Variants in NUDCD1 observed in about 807,000 individuals in gnomAD.
NUDCD1 encodes NudC domain containing 1.
In NUDCD1, 60 loss-of-function variants were observed where a neutral mutation model predicts 67.8. That is an observed-to-expected ratio of 0.88 (90% CI 0.72 to 1.10). The LOEUF is 1.10. NUDCD1 is among the 50% of genes least tolerant of loss of function. The pLI is 0.00. For synonymous variants in NUDCD1, 244 were observed against 230.8 expected (o/e 1.06, Z -0.52); for missense variants, 643 against 695.0 (o/e 0.93, Z 0.84).
rs1015419942 is a variant in NUDCD1 at position 109,242,229 on chromosome 8, C to T, written c.*780G>A. ...GATGTACAGGATCGATAAGCTCTTG[C>T]ATATTGGAGCTTGCTCTCTTAAGAT... On this transcript the variant is annotated 3_prime_UTR_variant, in exon 10 of 10. Coordinates refer to ENST00000239690, the MANE Select transcript of NUDCD1 (RefSeq NM_032869.4). The T allele has an allele frequency of 7.6e-6, 3 of 396,834 alleles. No individual in the cohort carries two copies. The highest frequency in any genetic ancestry group is 2.1e-5 in the African/African-American group (1 of 48,540). The allele number at this position is 396,834 out of a possible 1,614,324, so 24.6% of individuals were successfully genotyped here.
Position 109,311,559 on chromosome 8 carries a change from G to GTGTA in NUDCD1, c.273+10749_273+10750insTACA. Among the ~76,000 whole-genome samples the GTGTA allele has an allele frequency of 5.6e-5, 7 of 125,146 alleles. 1 individual carries two copies. The highest frequency in any genetic ancestry group is 2.4e-4 in the African/African-American group (7 of 28,736). The allele number at this position is 125,146 out of a possible 152,430, so 82.1% of individuals were successfully genotyped here. A position where few individuals can be genotyped will look rare whatever the true frequency, so the allele number is the denominator to read the frequency against. Reference sequence around the variant, plus strand: ...AATGAGTGGATAAAGAAACTGTGGTGTATATATATATATGATGGGATACTG... The same window carrying GTGTA: ...AATGAGTGGATAAAGAAACTGTGGTGTGTATATATATATATATGATGGGATACTG... On this transcript the variant is annotated intron_variant, in intron 2 of 9. Coordinates refer to ENST00000239690, the MANE Select transcript of NUDCD1 (RefSeq NM_032869.4).
chr8:109,271,468 T>C lies in NUDCD1; in HGVS notation c.1174-338A>G, dbSNP rs1422103364. Among the ~76,000 whole-genome samples, 4 of 152,132 alleles carry C rather than the reference T, an allele frequency of 2.6e-5. No individual in the cohort carries two copies. The East Asian group carries it at 7.7e-4, about 29-fold the overall frequency. On this transcript the variant is annotated intron_variant, in intron 7 of 9. Coordinates refer to ENST00000239690, the MANE Select transcript of NUDCD1 (RefSeq NM_032869.4). ...CAAAACAGATGTGACAGACAGCTGATTAGACACTGCAGGAGAAAAGACCAG... is the reference window on the plus strand; with the variant it reads ...CAAAACAGATGTGACAGACAGCTGACTAGACACTGCAGGAGAAAAGACCAG...
chr8:109,296,305 A>C lies in NUDCD1; in HGVS notation c.459+79T>G, dbSNP rs1224533603. ...CAGATCACATGTAAACCATCCTTGA[A>C]AAGTGTCATTTTAAAATAAGTAGGG... On this transcript the variant is annotated intron_variant, in intron 3 of 9. Transcript: ENST00000239690. 3.5e-6 allele frequency: 4 copies of C among 1,146,166 alleles called. No individual in the cohort carries two copies. In the African/African-American group the frequency reaches 6.2e-5, roughly 18 times the overall value. 71.0% of individuals were successfully genotyped at this position (1,146,166 alleles called of 1,614,324 possible). A position where few individuals can be genotyped will look rare whatever the true frequency, so the allele number is the denominator to read the frequency against.
intron 8 of NUDCD1, among the ~76,000 whole-genome samples, chr8:109,250,729 A>G (rs956339993): frequency 2.0e-5 from 3 of 152,032 alleles, no homozygotes; most frequent in African/African-American, 7.3e-5. Context: ...GGATGATCAA[A>G]TATTTTTCTT....
chr8:109,304,152 T>C (rs955283809), intron 2 of NUDCD1, among the ~76,000 whole-genome samples: 3 of 152,162 alleles, frequency 2.0e-5, no homozygotes, highest in Non-Finnish European at 4.4e-5. Context: ...CCAACCTTTT[T>C]CATTACACAC....
At chr8:109,312,866 C>T (rs940959884) in intron 2 of NUDCD1, among the ~76,000 whole-genome samples, 7 of 152,302 alleles carry the variant, frequency 4.6e-5, no homozygotes, top group African/African-American at 1.7e-4. Flanking sequence ...AGCAGCACTT[C>T]ACAGTAATAT....
chr8:109,271,896 G>C (rs188367361), intron 7 of NUDCD1, among the ~76,000 whole-genome samples: 2 of 151,708 alleles, frequency 1.3e-5, no homozygotes, highest in African/African-American at 4.8e-5. Flanking sequence ...GAAGGTGTAA[G>C]AGAAAAAAAC....
At chr8:109,309,107 C>G (rs1815178539) in intron 2 of NUDCD1, among the ~76,000 whole-genome samples, 1 of 152,116 alleles carries the variant, frequency 6.6e-6, no homozygotes, top group Non-Finnish European at 1.5e-5. Context: ...CTAAATCATT[C>G]TATGAAGCCA....
At position 109,281,047 on chromosome 8, in the gene NUDCD1, C is replaced by T. The variant is rs1814425652; in HGVS notation, c.949G>A (p.Asp317Asn). The T allele has an allele frequency of 6.2e-7, 1 of 1,612,360 alleles. No homozygotes were observed. The highest frequency in any genetic ancestry group is 1.3e-5 in the African/African-American group (1 of 74,866). Residue 317 changes from aspartate (D) to asparagine (N), a missense_variant, in exon 6 of 10, where the codon GAT (aspartate) becomes AAT (asparagine). Transcript: ENST00000239690. The part of the protein sequence containing the change: ...LPDHINIVLK[D>N]HQFLEGKLYS... Reference sequence around the variant, plus strand: ...AGTTTTCCTTCTAAAAACTGGTGATCCTTCAGTACAATGTTGATGTGATCA... The same window carrying T: ...AGTTTTCCTTCTAAAAACTGGTGATTCTTCAGTACAATGTTGATGTGATCA...
intron 2 of NUDCD1, among the ~76,000 whole-genome samples, chr8:109,301,380 C>T (rs1814986060): frequency 6.6e-6 from 1 of 152,194 alleles, no homozygotes; most frequent in South Asian, 2.1e-4. Flanking sequence ...ATGATAATCC[C>T]ACCACCCCTT....
chr8:109,270,949 T>A, intron 8 of NUDCD1, 56 bp downstream of exon 8: 1 of 1,171,258 alleles, frequency 8.5e-7, no homozygotes, highest in South Asian at 1.4e-5. Context: ...TTTAGACCAA[T>A]CATTATCTGA....
chr8:109,298,475 T>C (rs1196052900), intron 2 of NUDCD1: 1 of 152,202 alleles, frequency 6.6e-6, no homozygotes, highest in Non-Finnish European at 1.5e-5. Flanking sequence ...ATTAAACTTA[T>C]TCTCTCCCTC....
intron 2 of NUDCD1, among the ~76,000 whole-genome samples, chr8:109,310,685 C>CTATA (rs947664405): frequency 6.6e-6 from 1 of 152,002 alleles, no homozygotes; most frequent in Non-Finnish European, 1.5e-5. Context: ...AAGAGACAAC[C>CTATA]TATAGAGTGG....
chr8:109,286,911 C>T (rs969874270), intron 5 of NUDCD1, among the ~76,000 whole-genome samples: 1 of 152,024 alleles, frequency 6.6e-6, no homozygotes, highest in East Asian at 1.9e-4. Flanking sequence ...GGAACTTAAA[C>T]AAATGAACAA....
At chr8:109,267,197 T>C (rs958254574) in intron 8 of NUDCD1, among the ~76,000 whole-genome samples, 1 of 152,046 alleles carries the variant, frequency 6.6e-6, no homozygotes, top group Non-Finnish European at 1.5e-5. Flanking sequence ...GTCATGGGGG[T>C]TTGGTGCACA....
In NUDCD1 at chr8:109,306,973, C is replaced by T. The variant is rs574206958; in HGVS notation, c.274-10404G>A. Among the ~76,000 whole-genome samples the T allele has an allele frequency of 3.9e-5, 6 of 152,202 alleles. No individual in the cohort carries two copies. In the East Asian group the frequency reaches 1.2e-3, roughly 29 times the overall value. The stretch of plus-strand genomic sequence containing the variant: ...CCATACCACCCCCCAAAAATTTTCA[C>T]CACCCCAACGCTTCACCACTATTTT... On this transcript the variant is annotated intron_variant, in intron 2 of 9. Transcript: ENST00000239690.
At chr8:109,303,728 G>C (rs190064194) in intron 2 of NUDCD1, among the ~76,000 whole-genome samples, 11 of 151,992 alleles carry the variant, frequency 7.2e-5, no homozygotes, top group Non-Finnish European at 1.6e-4. Context: ...CTCCCTCCTT[G>C]GCAACCGATC....
intron 2 of NUDCD1, among the ~76,000 whole-genome samples, chr8:109,301,728 C>T (rs1018026201): frequency 6.6e-6 from 1 of 152,256 alleles, no homozygotes; most frequent in Non-Finnish European, 1.5e-5. Context: ...CCTGTCCTTC[C>T]AATTCCAGCT....
chr8:109,323,412 C>A (rs1815588038), intron 1 of NUDCD1, among the ~76,000 whole-genome samples: 2 of 151,986 alleles, frequency 1.3e-5, no homozygotes, highest in South Asian at 4.1e-4. Flanking sequence ...ATCGATGACA[C>A]AGTGATGAGC....
Sources: gnomAD v4.1 joint callset for allele counts (sites outside exome capture counted in the v4.1 genomes callset) on GRCh38, gnomAD v4.1.1 for gene constraint, MANE v1.5 for transcripts, NCBI Gene and HGNC (gene_info 2026-07-23, HGNC 2026-07-21) for gene names.